The following TNPO1 variants were observed in gnomAD, a reference collection of about 807,000 sequenced individuals.
TNPO1 encodes transportin 1.
In TNPO1, 8 loss-of-function variants were observed where a neutral mutation model predicts 119.5. The observed-to-expected ratio is 0.07, with a 90% CI of 0.04 to 0.12. The LOEUF (loss-of-function observed/expected upper bound fraction) is 0.12. Among genes scored for constraint, TNPO1 ranks in the 10% least tolerant of loss-of-function variants. The pLI, the probability that TNPO1 is intolerant of heterozygous loss-of-function variation, is 1.00. For synonymous variants in TNPO1, 362 were observed against 363.0 expected (o/e 1.00, Z 0.03); for missense variants, 576 against 1,089.8 (o/e 0.53, Z 6.64).
intron 22 of TNPO1, 64 bp from the exon 23 acceptor site, chr5:72,903,643 CAT>C: frequency 1.9e-6 from 2 of 1,038,054 alleles, no homozygotes; most frequent in Non-Finnish European, 2.9e-6. Context: ...CTGAGGTTTA[CAT>C]ATATCTTTTG....
At chr5:72,831,849 AG>A (rs1157605668) in intron 1 of TNPO1, among the ~76,000 whole-genome samples, 1 of 152,074 alleles carries the variant, frequency 6.6e-6, no homozygotes, top group Non-Finnish European at 1.5e-5. Flanking sequence ...TTAATTGTCT[AG>A]GTAACTAAAA....
intron 13 of TNPO1, among the ~76,000 whole-genome samples, chr5:72,888,656 C>T (rs1438182717): frequency 6.6e-6 from 1 of 152,226 alleles, no homozygotes; most frequent in Non-Finnish European, 1.5e-5. Flanking sequence ...AACTATCTTA[C>T]ACCCTAATTC....
intron 1 of TNPO1, chr5:72,848,107 T>G (rs1020922257): frequency 7.1e-6 from 8 of 1,122,248 alleles, no homozygotes; most frequent in Non-Finnish European, 8.7e-6. Context: ...GGGGCCAGAT[T>G]GCAAATTCGC....
At chr5:72,866,733 G>A (rs568659305) in intron 6 of TNPO1, among the ~76,000 whole-genome samples, 11 of 152,196 alleles carry the variant, frequency 7.2e-5, no homozygotes, top group East Asian at 5.8e-4. Context: ...CAGCCTGGGC[G>A]ACAGAATGAG....
intron 1 of TNPO1, 47 bp downstream of exon 1, chr5:72,816,799 G>C (rs1015517661): frequency 6.4e-6 from 10 of 1,554,582 alleles, no homozygotes; most frequent in Non-Finnish European, 8.7e-6. Context: ...GGGCGGGAAC[G>C]GAGGCTGGGA....
intron 7 of TNPO1, among the ~76,000 whole-genome samples, chr5:72,873,439 T>C (rs1198319248): frequency 2.6e-5 from 4 of 152,098 alleles, no homozygotes; most frequent in Non-Finnish European, 5.9e-5. Flanking sequence ...TACGTTACTT[T>C]TTTTCTCGTC....
chr5:72,876,832 C>T (rs1347217510), intron 8 of TNPO1, among the ~76,000 whole-genome samples: 1 of 152,084 alleles, frequency 6.6e-6, no homozygotes, highest in African/African-American at 2.4e-5. Context: ...CGGTGGCTCA[C>T]ACCTGTAATC....
chr5:72,898,169 G>A (rs915416716), intron 20 of TNPO1, among the ~76,000 whole-genome samples: 25 of 152,010 alleles, frequency 1.6e-4, no homozygotes, highest in Non-Finnish European at 3.4e-4. Context: ...TATCTTTTCA[G>A]AATGCAGTAC....
At chr5:72,866,773 A>T (rs1477129649) in intron 6 of TNPO1, among the ~76,000 whole-genome samples, 1 of 152,144 alleles carries the variant, frequency 6.6e-6, no homozygotes. Context: ...AAACAGAAAA[A>T]ATTCAAAAAT....
intron 9 of TNPO1, among the ~76,000 whole-genome samples, chr5:72,880,077 CT>C (rs1748118589): frequency 6.6e-6 from 1 of 152,074 alleles, no homozygotes; most frequent in Non-Finnish European, 1.5e-5. Flanking sequence ...ATTCCAGCTA[CT>C]TGTGTGGCTG....
chr5:72,884,883 T>C (rs1005746491), intron 11 of TNPO1, among the ~76,000 whole-genome samples: 9 of 152,204 alleles, frequency 5.9e-5, no homozygotes, highest in Admixed American at 2.6e-4. Flanking sequence ...ACAAACACAG[T>C]TGTGACAACC....
At chr5:72,900,164 T>C in intron 21 of TNPO1, 83 bp downstream of exon 21, 2 of 1,278,100 alleles carry the variant, frequency 1.6e-6, no homozygotes, top group Non-Finnish European at 2.2e-6. Context: ...TATTTTCAGT[T>C]GGTTACAAAA....
intron 1 of TNPO1, among the ~76,000 whole-genome samples, chr5:72,847,426 G>A (rs1745178166): frequency 6.6e-6 from 1 of 152,152 alleles, no homozygotes; most frequent in Non-Finnish European, 1.5e-5. Flanking sequence ...CTATATTCGT[G>A]TCTCAGTCTT....
rs921904378 is a variant in TNPO1 at position 72,910,319 on chromosome 5, G to A, written c.*1646G>A. 1 of 152,566 alleles carries A rather than the reference G, an allele frequency of 6.6e-6. No individual in the cohort carries two copies. The highest frequency in any genetic ancestry group is 2.4e-5 in the African/African-American group (1 of 41,436). The allele number at this position is 152,566 out of a possible 1,614,324, so 9.5% of individuals were successfully genotyped here. ...ATTCCTGTGAATAAATCCTTGTTAA[G>A]TTAACCCTTTACTTTTCCTTCCATG... On this transcript the variant is annotated 3_prime_UTR_variant, in exon 25 of 25. Coordinates refer to ENST00000337273, the MANE Select transcript of TNPO1 (RefSeq NM_002270.4).
At chr5:72,834,849 C>G (rs186482916) in intron 1 of TNPO1, among the ~76,000 whole-genome samples, 1 of 145,184 alleles carries the variant, frequency 6.9e-6, no homozygotes, top group African/African-American at 2.6e-5. Context: ...ATTGATAAAC[C>G]ATTTTTTTAT....
chr5:72,897,278 G>A (rs1037391972), intron 20 of TNPO1, 127 bp downstream of exon 20: 6 of 605,162 alleles, frequency 9.9e-6, no homozygotes, highest in African/African-American at 9.5e-5. Context: ...TTGCTATTTC[G>A]GATTTTCAGT....
rs1215995286 is a variant in TNPO1 at position 72,865,735 on chromosome 5, T to TA, written c.596+7dup. On this transcript the variant is annotated splice_region_variant and intron_variant, in intron 6 of 24. Coordinates refer to ENST00000337273, the MANE Select transcript of TNPO1 (RefSeq NM_002270.4). ...CATAGTAGTCCAAAAATAAGGTACT[T>TA]ATATTGCCAGTACTAATTGATTAAC... 2.5e-6 allele frequency: 4 copies of TA among 1,612,396 alleles called. No individual in the cohort carries two copies. Among genetic ancestry groups the TA allele is most frequent in the Non-Finnish European group, 3.4e-6 (4 of 1,179,392 alleles).
intron 14 of TNPO1, 57 bp downstream of exon 14, chr5:72,890,014 T>A: frequency 1.3e-6 from 2 of 1,551,762 alleles, no homozygotes; most frequent in South Asian, 2.3e-5. Context: ...TTACAATTAA[T>A]AGATTAGCAT....
intron 11 of TNPO1, among the ~76,000 whole-genome samples, chr5:72,884,135 A>T (rs1748453832): frequency 6.6e-6 from 1 of 152,134 alleles, no homozygotes. Flanking sequence ...CCTTTTGAGA[A>T]ATAACCAGGA....
Sources: gnomAD v4.1 joint callset for allele counts (sites outside exome capture counted in the v4.1 genomes callset) on GRCh38, gnomAD v4.1.1 for gene constraint, MANE v1.5 for transcripts, NCBI Gene and HGNC (gene_info 2026-07-23, HGNC 2026-07-21) for gene names.